Variants in RAB4A observed in about 807,000 individuals in gnomAD.
RAB4A encodes ras-related protein Rab-4A.
In RAB4A, 20 loss-of-function variants were observed where a neutral mutation model predicts 34.5. The ratio of observed to expected loss-of-function variants is 0.58; its 90% CI spans 0.41 to 0.84. The LOEUF (loss-of-function observed/expected upper bound fraction) is 0.84, where lower values mean the gene tolerates loss of function less well. Ranked by LOEUF, RAB4A falls within the 40% of genes least tolerant of loss-of-function variation. The pLI is 0.00. For missense variants in RAB4A, 228 were observed against 274.5 expected, an observed-to-expected ratio of 0.83 and a Z score of 1.20; for synonymous variants, 102 against 100.0, an observed-to-expected ratio of 1.02 and a Z score of -0.12.
chr1:229,294,701 G>A (rs1418891873), intron 3 of RAB4A, among the ~76,000 whole-genome samples: 7 of 152,164 alleles, frequency 4.6e-5, no homozygotes, highest in Non-Finnish European at 4.4e-5. Context: ...TTAGCCAGGC[G>A]TGGTGGCGGG....
intron 3 of RAB4A, among the ~76,000 whole-genome samples, chr1:229,289,560 A>G (rs1657010587): frequency 6.6e-6 from 1 of 152,224 alleles, no homozygotes; most frequent in Admixed American, 6.5e-5. Context: ...CATGCCTGTA[A>G]TCCCAGCACT....
chr1:229,281,431 A>G (rs751199876), intron 1 of RAB4A, among the ~76,000 whole-genome samples: 2 of 151,982 alleles, frequency 1.3e-5, no homozygotes, highest in African/African-American at 2.4e-5. Context: ...AGTCTATTTT[A>G]TCTGATATTA....
intron 1 of RAB4A, among the ~76,000 whole-genome samples, chr1:229,277,165 G>A (rs1656673501): frequency 6.6e-6 from 1 of 150,456 alleles, no homozygotes; most frequent in African/African-American, 2.5e-5. Flanking sequence ...AGCCTCCTCA[G>A]TGTGTGTGAT....
chr1:229,302,280 TATATATATATATA>T (rs1657411749), intron 6 of RAB4A, among the ~76,000 whole-genome samples: 18 of 19,818 alleles, frequency 9.1e-4, no homozygotes, highest in Admixed American at 5.5e-3. Flanking sequence ...TATATATATA[TATATATATATATA>T]TATATATATA....
At chr1:229,284,600 A>G (rs999811822) in intron 1 of RAB4A, among the ~76,000 whole-genome samples, 1 of 152,114 alleles carries the variant, frequency 6.6e-6, no homozygotes, top group Non-Finnish European at 1.5e-5. Context: ...GAATCAAGAC[A>G]CCTAGTTTCT....
Position 229,271,258 on chromosome 1 carries a change from A to C in RAB4A, c.-82A>C. On this transcript the variant is annotated 5_prime_UTR_variant, in exon 1 of 8. Transcript: ENST00000366690. ...CCTCCCTCCTCCGGTCCCCCGCCCC[A>C]GGTCCTTCCCCACCGAGACGCGCCG... 4 of 1,265,088 alleles carry C rather than the reference A, an allele frequency of 3.2e-6. No individual in the cohort carries two copies. The highest frequency in any genetic ancestry group is 2.2e-5 in the South Asian group (1 of 46,150). The allele number at this position is 1,265,088 out of a possible 1,614,324, so 78.4% of individuals were successfully genotyped here.
intron 1 of RAB4A, among the ~76,000 whole-genome samples, chr1:229,279,152 C>G (rs922721719): frequency 1.3e-5 from 2 of 152,110 alleles, no homozygotes; most frequent in Non-Finnish European, 2.9e-5. Context: ...AGTGCTATAC[C>G]ACAGCACTTA....
chr1:229,293,349 G>T (rs1190141978), intron 3 of RAB4A, among the ~76,000 whole-genome samples: 2 of 152,174 alleles, frequency 1.3e-5, no homozygotes, highest in East Asian at 3.9e-4. Flanking sequence ...CTGAGGTGAG[G>T]CTATAAGTTC....
intron 3 of RAB4A, among the ~76,000 whole-genome samples, chr1:229,293,819 A>C (rs1657162568): frequency 6.6e-6 from 1 of 152,204 alleles, no homozygotes; most frequent in Non-Finnish European, 1.5e-5. Context: ...CCCAAGGGAC[A>C]AGGAAAGCCA....
chr1:229,281,816 TTATA>T (rs61184911), intron 1 of RAB4A, among the ~76,000 whole-genome samples: 53,669 of 139,908 alleles, frequency 0.38, 10,689 homozygotes, highest in East Asian at 0.56. Flanking sequence ...CTTATCATAG[TTATA>T]TATATATATA....
Position 229,278,587 on chromosome 1 carries a change from C to G in RAB4A, c.31+7217C>G, listed in dbSNP as rs1025560330. 7.2e-5 allele frequency among the ~76,000 whole-genome samples: 11 copies of G among 152,178 alleles called. 1 individual carries two copies. The highest frequency in any genetic ancestry group is 2.4e-4 in the African/African-American group (10 of 41,430). ...CTCAGAAGGTCTCTGTTGTTTAAAACTAACCCCAGCCTTCTACTTTGGACC... is the reference window on the plus strand; with the variant it reads ...CTCAGAAGGTCTCTGTTGTTTAAAAGTAACCCCAGCCTTCTACTTTGGACC... On this transcript the variant is annotated intron_variant, in intron 1 of 7. Transcript: ENST00000366690.
intron 3 of RAB4A, among the ~76,000 whole-genome samples, chr1:229,294,361 C>T (rs1224869675): frequency 2.0e-5 from 3 of 152,176 alleles, no homozygotes; most frequent in Non-Finnish European, 4.4e-5. Flanking sequence ...GGCTGGTGAG[C>T]GGGAGGAAGA....
In RAB4A at chr1:229,286,696, T is replaced by C. The variant is rs955017705; in HGVS notation, c.112+130T>C. On this transcript the variant is annotated intron_variant, in intron 2 of 7. Transcript: ENST00000366690. ...AGTTTGAAAGTATTTTGAAGGGTTATGTTATTGAACTTTGGGTGATGTGAT... is the reference window on the plus strand; with the variant it reads ...AGTTTGAAAGTATTTTGAAGGGTTACGTTATTGAACTTTGGGTGATGTGAT... 3 of 585,666 alleles carry C rather than the reference T, an allele frequency of 5.1e-6. No homozygotes were observed. The African/African-American group carries it at 5.8e-5, about 11-fold the overall frequency. The allele number at this position is 585,666 out of a possible 1,614,324, so 36.3% of individuals were successfully genotyped here. A position where few individuals can be genotyped will look rare whatever the true frequency, so the allele number is the denominator to read the frequency against.
chr1:229,284,666 T>C (rs1006577683), intron 1 of RAB4A, among the ~76,000 whole-genome samples: 67 of 152,360 alleles, frequency 4.4e-4, no homozygotes, highest in Admixed American at 4.3e-3. Flanking sequence ...ATGTGTATTC[T>C]GCAGTTTCAC....
intron 1 of RAB4A, among the ~76,000 whole-genome samples, chr1:229,280,296 A>G (rs1656750000): frequency 6.6e-6 from 1 of 152,224 alleles, no homozygotes; most frequent in Admixed American, 6.5e-5. Flanking sequence ...AGATCCAGGT[A>G]ATTCAGCACT....
At chr1:229,302,275 A>T (rs1558242139) in intron 6 of RAB4A, among the ~76,000 whole-genome samples, 3 of 13,780 alleles carry the variant, frequency 2.2e-4, no homozygotes, top group African/African-American at 8.4e-4. Flanking sequence ...ATATATATAT[A>T]TATATATATA....
chr1:229,290,329 C>A (rs1273560696), intron 3 of RAB4A, among the ~76,000 whole-genome samples: 1 of 152,144 alleles, frequency 6.6e-6, no homozygotes, highest in African/African-American at 2.4e-5. Flanking sequence ...AAAATGAAAG[C>A]CTCTGGCCCC....
intron 5 of RAB4A, 67 bp from the exon 6 acceptor site, chr1:229,298,910 G>A: frequency 8.6e-7 from 1 of 1,157,216 alleles, no homozygotes; most frequent in East Asian, 2.3e-5. Context: ...TGCTACACAG[G>A]CTTTTGTAAG....
At chr1:229,287,492 G>A (rs961183093) in intron 2 of RAB4A, among the ~76,000 whole-genome samples, 2 of 152,246 alleles carry the variant, frequency 1.3e-5, no homozygotes, top group Middle Eastern at 6.8e-3. Context: ...AAGACTTTGT[G>A]TGGTACAGTC....
Sources: allele counts gnomAD v4.1 joint callset (sites outside exome capture counted in the v4.1 genomes callset), GRCh38; gene constraint gnomAD v4.1.1; transcripts MANE v1.5; gene names NCBI Gene and HGNC (gene_info 2026-07-23, HGNC 2026-07-21).